Variants in GRIA3 observed in about 807,000 individuals in gnomAD.
GRIA3 encodes the protein glutamate receptor 3.
In GRIA3, 3 loss-of-function variants were observed where a neutral mutation model predicts 63.0. The observed-to-expected ratio is 0.05, with a 90% CI of 0.02 to 0.12. The LOEUF (loss-of-function observed/expected upper bound fraction) is 0.12. GRIA3 is among the 10% of genes least tolerant of loss of function. The pLI is 1.00. For synonymous variants in GRIA3, 274 were observed against 257.9 expected (o/e 1.06, Z -0.60); for missense variants, 347 against 700.9 (o/e 0.50, Z 5.70).
rs1472827488 is a variant in GRIA3, at chrX:123,427,959, T to C, written c.1896T>C (p.Ile632=). 8.3e-7 allele frequency: 1 copy of C among 1,202,569 alleles called. No homozygotes were observed. The highest frequency in any genetic ancestry group is 1.1e-6 in the Non-Finnish European group (1 of 887,498). ...TTTATAGATCACTCTCCGGGCGCAT[T>C]GTTGGAGGGGTTTGGTGGTTCTTCA... ...DISPRSLSGR[I]VGGVWWFFTL... Residue 632 remains isoleucine, a synonymous_variant, in exon 12 of 16, where the codon ATT becomes ATC. Transcript: ENST00000620443.
At chrX:123,364,057 A>G (rs187439700) in intron 5 of GRIA3, among the ~76,000 whole-genome samples, 93 of 112,327 alleles carry the variant, frequency 8.3e-4, no homozygotes, top group Non-Finnish European at 1.1e-3. Context: ...CAACAAAACC[A>G]TTGATTGCAA....
At chrX:123,485,274 A>G (rs1050742123) in intron 15 of GRIA3, among the ~76,000 whole-genome samples, 33 of 112,194 alleles carry the variant, frequency 2.9e-4, no homozygotes, top group Admixed American at 9.4e-5. Context: ...CTCCAAATAA[A>G]TAATACACCT....
chrX:123,195,768 A>C (rs369078890), intron 2 of GRIA3, among the ~76,000 whole-genome samples: 1 of 112,103 alleles, frequency 8.9e-6, no homozygotes, highest in African/African-American at 3.3e-5. Flanking sequence ...ACTGGTAGTT[A>C]TAACTACTGA....
chrX:123,263,082 T>A (rs769916615), intron 3 of GRIA3, among the ~76,000 whole-genome samples: 12 of 112,487 alleles, frequency 1.1e-4, no homozygotes, highest in Non-Finnish European at 1.7e-4. Flanking sequence ...TTTTCTCAAC[T>A]AATCCTGTAG....
At chrX:123,307,095 G>C (rs899018097) in intron 3 of GRIA3, among the ~76,000 whole-genome samples, 5 of 111,503 alleles carry the variant, frequency 4.5e-5, no homozygotes, top group African/African-American at 1.6e-4. Context: ...AATTAAAATG[G>C]CACAGGAGAC....
chrX:123,414,420 CTTTTT>C (rs1055650532), intron 10 of GRIA3, among the ~76,000 whole-genome samples: 5 of 111,980 alleles, frequency 4.5e-5, no homozygotes, highest in Non-Finnish European at 9.4e-5. Flanking sequence ...TTTTCTTTTT[CTTTTT>C]TATTTTTTTT....
intron 2 of GRIA3, among the ~76,000 whole-genome samples, chrX:123,220,856 T>C (rs1415169968): frequency 9.0e-6 from 1 of 111,712 alleles, no homozygotes; most frequent in Non-Finnish European, 1.9e-5. Context: ...CATGAGGAAA[T>C]ATGACTGTCT....
intron 9 of GRIA3, among the ~76,000 whole-genome samples, chrX:123,403,992 C>G (rs1237810949): frequency 2.7e-5 from 3 of 111,682 alleles, no homozygotes; most frequent in African/African-American, 9.8e-5. Context: ...GTCATAAGCC[C>G]GTTTCAAGGC....
Position 123,392,804 on chromosome X carries a change from G to A in GRIA3, c.751-2164G>A, listed in dbSNP as rs149850422. ...TTTATTTCTTCTTTGTATGGGAGGTGAGTTCTGGATGCCTCTATTCAGCCA... is the reference window on the plus strand; with the variant it reads ...TTTATTTCTTCTTTGTATGGGAGGTAAGTTCTGGATGCCTCTATTCAGCCA... On this transcript the variant is annotated intron_variant, in intron 5 of 15. Transcript: ENST00000620443. 3.0e-3 allele frequency among the ~76,000 whole-genome samples: 342 copies of A among 112,411 alleles called. 2 individuals carry two copies. The highest frequency in any genetic ancestry group is 0.011 in the African/African-American group (326 of 30,958).
intron 10 of GRIA3, among the ~76,000 whole-genome samples, chrX:123,414,939 T>C (rs1412059701): frequency 8.9e-6 from 1 of 112,023 alleles, no homozygotes; most frequent in African/African-American, 3.2e-5. Context: ...ACATACCCAG[T>C]AATGGGATCA....
intron 3 of GRIA3, among the ~76,000 whole-genome samples, chrX:123,265,808 C>T (rs1361014577): frequency 2.7e-5 from 3 of 112,423 alleles, no homozygotes; most frequent in Non-Finnish European, 5.6e-5. Context: ...TGTTTCCCTT[C>T]GTGTTCATTT....
At chrX:123,449,576 C>T (rs1194443989) in intron 12 of GRIA3, among the ~76,000 whole-genome samples, 1 of 111,984 alleles carries the variant, frequency 8.9e-6, no homozygotes, top group East Asian at 2.8e-4. Context: ...TGCAGCCAGC[C>T]ACCTTTTTTA....
At chrX:123,397,480 T>G (rs1276881021) in intron 6 of GRIA3, among the ~76,000 whole-genome samples, 1 of 112,107 alleles carries the variant, frequency 8.9e-6, no homozygotes, top group Non-Finnish European at 1.9e-5. Flanking sequence ...AGGACTACAT[T>G]AAGATTGCTG....
chrX:123,389,158 G>A lies in GRIA3; in HGVS notation c.751-5810G>A, dbSNP rs1024708744. 1.5e-4 allele frequency among the ~76,000 whole-genome samples: 17 copies of A among 112,248 alleles called. No individual in the cohort carries two copies. The Admixed American group carries it at 1.6e-3, about 11-fold the overall frequency. ...TAATGTATAATCTATCCTGGAGAATGTTCCATGTGCTGATGAGAAGAATGT... is the reference window on the plus strand; with the variant it reads ...TAATGTATAATCTATCCTGGAGAATATTCCATGTGCTGATGAGAAGAATGT... On this transcript the variant is annotated intron_variant, in intron 5 of 15. Coordinates refer to ENST00000620443, the MANE Select transcript of GRIA3 (RefSeq NM_007325.5).
chrX:123,378,152 A>C (rs2147366872), intron 5 of GRIA3, among the ~76,000 whole-genome samples: 1 of 111,539 alleles, frequency 9.0e-6, no homozygotes, highest in South Asian at 3.7e-4. Context: ...CTTGTGGACT[A>C]CAGTTTCTTA....
In GRIA3 at chrX:123,413,817, T is replaced by G. The variant is rs779941038; in HGVS notation, c.1501-3585T>G. Among the ~76,000 whole-genome samples, 6 of 111,174 alleles carry G rather than the reference T, an allele frequency of 5.4e-5. No individual in the cohort carries two copies. In the South Asian group the frequency reaches 2.3e-3, roughly 42 times the overall value. ...GAACAAACCTTCATTGATTATCTCCTAAGACAAGCACTCTGAATAGTCCCT... is the reference window on the plus strand; with the variant it reads ...GAACAAACCTTCATTGATTATCTCCGAAGACAAGCACTCTGAATAGTCCCT... On this transcript the variant is annotated intron_variant, in intron 10 of 15. Coordinates refer to ENST00000620443, the MANE Select transcript of GRIA3 (RefSeq NM_007325.5).
chrX:123,456,190 C>T (rs1335232622), intron 12 of GRIA3, among the ~76,000 whole-genome samples: 1 of 111,012 alleles, frequency 9.0e-6, no homozygotes, highest in African/African-American at 3.3e-5. Context: ...ACTGGGCACA[C>T]ACACTGTTCT....
intron 2 of GRIA3, among the ~76,000 whole-genome samples, chrX:123,252,503 T>C (rs748859821): frequency 8.9e-6 from 1 of 112,212 alleles, no homozygotes; most frequent in South Asian, 3.7e-4. Context: ...TAAAATTGGT[T>C]CACATTTTTT....
At chrX:123,425,712 G>A (rs1046411214) in intron 11 of GRIA3, among the ~76,000 whole-genome samples, 2 of 111,648 alleles carry the variant, frequency 1.8e-5, no homozygotes, top group African/African-American at 6.5e-5. Context: ...CTGAGATAGT[G>A]TAACTGTTAG....
Sources: allele counts gnomAD v4.1 joint callset (sites outside exome capture counted in the v4.1 genomes callset), GRCh38; gene constraint gnomAD v4.1.1; transcripts MANE v1.5; gene names NCBI Gene and HGNC (gene_info 2026-07-23, HGNC 2026-07-21).